The following MGAT4C variants were observed in gnomAD, a reference collection of about 807,000 sequenced individuals.
MGAT4C encodes MGAT4 family member C.
In MGAT4C, 19 loss-of-function variants were observed where a neutral mutation model predicts 40.1. That is an observed-to-expected ratio of 0.47 (90% confidence interval 0.33 to 0.70). The LOEUF (loss-of-function observed/expected upper bound fraction) is 0.70, where lower values mean the gene tolerates loss of function less well. MGAT4C is among the 30% of genes least tolerant of loss of function. The pLI is 0.02. For missense variants in MGAT4C, 491 were observed against 563.2 expected (o/e 0.87, Z 1.30); for synonymous variants, 181 against 187.1 (o/e 0.97, Z 0.27).
At chr12:86,490,195 G>A (rs888500298) in intron 2 of MGAT4C, among the ~76,000 whole-genome samples, 141 of 152,226 alleles carry the variant, frequency 9.3e-4, no homozygotes, top group Middle Eastern at 3.4e-3. Context: ...TACCCACAAA[G>A]GGAAGCCCGT....
At chr12:86,351,885 A>G (rs1955169153) in intron 3 of MGAT4C, among the ~76,000 whole-genome samples, 1 of 152,074 alleles carries the variant, frequency 6.6e-6, no homozygotes, top group Admixed American at 6.6e-5. Context: ...ATGGTTGATA[A>G]GTGAAAGAGG....
chr12:86,033,567 C>T (rs1298805414), intron 2 of MGAT4C, among the ~76,000 whole-genome samples: 4 of 148,352 alleles, frequency 2.7e-5, no homozygotes, highest in African/African-American at 9.7e-5. Flanking sequence ...CTTGGATGTT[C>T]TATAGAAATG....
chr12:86,022,137 C>A (rs1889798364), intron 2 of MGAT4C, among the ~76,000 whole-genome samples: 1 of 152,136 alleles, frequency 6.6e-6, no homozygotes, highest in East Asian at 1.9e-4. Flanking sequence ...TACTAGGTAC[C>A]AGATACCTGT....
At chr12:86,321,620 T>C (rs140922580) in intron 4 of MGAT4C, among the ~76,000 whole-genome samples, 1 of 152,194 alleles carries the variant, frequency 6.6e-6, no homozygotes, top group African/African-American at 2.4e-5. Flanking sequence ...CACTATGTTC[T>C]TTTTTAAAAA....
At chr12:86,371,915 A>G (rs1955721668) in intron 3 of MGAT4C, among the ~76,000 whole-genome samples, 1 of 152,022 alleles carries the variant, frequency 6.6e-6, no homozygotes, top group South Asian at 2.1e-4. Context: ...TTTCCTGGAA[A>G]TAAAAAATGT....
chr12:85,980,295 A>C lies in MGAT4C; in HGVS notation c.431T>G (p.Phe144Cys). 1 of 1,613,990 alleles carries C rather than the reference A, an allele frequency of 6.2e-7. No individual in the cohort carries two copies. Among genetic ancestry groups the C allele is most frequent in the Non-Finnish European group, 8.5e-7 (1 of 1,179,918 alleles). ...CATGGCATCACGCCAGGAAGAATTA[A>C]AGTCTGCTAGGTGAACCACCACTGA... ...EISVVVHLAD[F>C]NSSWRDAMVQ... Residue 144 changes from phenylalanine (F) to cysteine (C), a missense_variant, in exon 5 of 5, where the codon TTT (phenylalanine) becomes TGT (cysteine). Transcript: ENST00000611864.
intron 3 of MGAT4C, among the ~76,000 whole-genome samples, chr12:86,361,494 A>C (rs1955468394): frequency 6.6e-6 from 1 of 152,244 alleles, no homozygotes. Flanking sequence ...ATGGGATCTA[A>C]TTAAACTAAA....
chr12:85,989,600 A>G, intron 2 of MGAT4C, 48 bp from the exon 3 acceptor site: 1 of 1,491,072 alleles, frequency 6.7e-7, no homozygotes, highest in Non-Finnish European at 9.1e-7. Context: ...TTGGATGCAA[A>G]TATTTCTTTA....
intron 1 of MGAT4C, among the ~76,000 whole-genome samples, chr12:86,176,241 T>C (rs1887417702): frequency 6.6e-6 from 1 of 152,216 alleles, no homozygotes; most frequent in South Asian, 2.1e-4. Flanking sequence ...TGTGAGCTCT[T>C]GTACATTTCC....
rs573035711 is a variant in MGAT4C, at chr12:85,958,979, C to T, written c.*20310G>A. ...ATACAAGTGCATAGGGCAGAGGAGG[C>T]GATTCAGTTACTTCTGCTATGTTAT... On this transcript the variant is annotated 3_prime_UTR_variant, in exon 5 of 5. Transcript: ENST00000611864. 7 of 151,752 alleles carry T rather than the reference C, an allele frequency of 4.6e-5. No homozygotes were observed. The highest frequency in any genetic ancestry group is 2.1e-4 in the South Asian group (1 of 4,810). 9.4% of individuals were successfully genotyped at this position (151,752 alleles called of 1,614,324 possible).
intron 1 of MGAT4C, among the ~76,000 whole-genome samples, chr12:86,141,746 C>T (rs527955819): frequency 6.6e-6 from 1 of 152,052 alleles, no homozygotes; most frequent in Non-Finnish European, 1.5e-5. Context: ...TTTTAAGTTT[C>T]AGAGGAAGTG....
intron 1 of MGAT4C, among the ~76,000 whole-genome samples, chr12:86,729,286 T>C (rs1950871986): frequency 6.6e-6 from 1 of 152,148 alleles, no homozygotes; most frequent in South Asian, 2.1e-4. Context: ...GTGTGATTAT[T>C]ATGCATTGCC....
chr12:86,606,875 A>C (rs1962063397), intron 2 of MGAT4C, among the ~76,000 whole-genome samples: 1 of 152,152 alleles, frequency 6.6e-6, no homozygotes. Context: ...GTGACACATT[A>C]GATTTAGGAT....
At chr12:86,248,570 A>C (rs1952139074) in intron 1 of MGAT4C, among the ~76,000 whole-genome samples, 1 of 152,156 alleles carries the variant, frequency 6.6e-6, no homozygotes, top group Non-Finnish European at 1.5e-5. Flanking sequence ...AGATACAGGC[A>C]AGTGAGAAGC....
intron 3 of MGAT4C, among the ~76,000 whole-genome samples, chr12:86,337,972 C>A (rs1339115615): frequency 1.3e-5 from 2 of 152,090 alleles, no homozygotes; most frequent in African/African-American, 4.8e-5. Context: ...TAGCAGCAAT[C>A]ATAAGAGAAA....
chr12:86,429,224 GTTGT>G (rs1260506781), intron 3 of MGAT4C, among the ~76,000 whole-genome samples: 1 of 151,930 alleles, frequency 6.6e-6, no homozygotes, highest in Admixed American at 6.6e-5. Flanking sequence ...TGACCTTTTG[GTTGT>G]TCAGGATCAT....
intron 1 of MGAT4C, among the ~76,000 whole-genome samples, chr12:86,157,227 C>A (rs1336767370): frequency 6.6e-6 from 1 of 152,032 alleles, no homozygotes; most frequent in Admixed American, 6.5e-5. Context: ...TAGATGATTA[C>A]ATTTTCCTCT....
In MGAT4C at chr12:86,332,649, T is replaced by C. The variant is rs1954696296; in HGVS notation, c.-57+1416A>G. ...AAAATCTTTACTTTTTAAAGGTTTT[T>C]TTTTGTGTGTGTGTGTGAGACTTGC... On this transcript the variant is annotated intron_variant, in intron 4 of 7. Transcript: ENST00000548651. Among the ~76,000 whole-genome samples, 4 of 152,160 alleles carry C rather than the reference T, an allele frequency of 2.6e-5. No homozygotes were observed. In the South Asian group the frequency reaches 8.3e-4, roughly 32 times the overall value.
intron 2 of MGAT4C, among the ~76,000 whole-genome samples, chr12:86,586,872 G>C (rs967783428): frequency 7.2e-5 from 11 of 151,896 alleles, no homozygotes; most frequent in African/African-American, 2.7e-4. Flanking sequence ...AGATGAGTAG[G>C]TTGCGAAAAT....
Sources: gnomAD v4.1 joint callset for allele counts (sites outside exome capture counted in the v4.1 genomes callset) on GRCh38, gnomAD v4.1.1 for gene constraint, MANE v1.5 for transcripts, NCBI Gene and HGNC (gene_info 2026-07-23, HGNC 2026-07-21) for gene names.